Variants in GALNT13 observed in about 807,000 individuals in gnomAD.
GALNT13 encodes UDP-GalNAc:polypeptide N-acetylgalactosaminyltransferase 13.
In GALNT13, 28 loss-of-function variants were observed where a neutral mutation model predicts 64.2. The observed-to-expected ratio is 0.44, with a 90% CI of 0.32 to 0.60. The LOEUF is 0.60. Ranked by LOEUF, GALNT13 falls within the 20% of genes least tolerant of loss-of-function variation. The pLI is 0.05. For missense variants in GALNT13, 577 were observed against 669.8 expected (o/e 0.86, Z 1.53); for synonymous variants, 214 against 224.6 (o/e 0.95, Z 0.42).
At chr2:153,566,348 G>GTTTTGTTT in the GALNT13 span, among the ~76,000 whole-genome samples, 420 of 74,780 alleles carry the variant, frequency 5.6e-3, 6 homozygotes, top group East Asian at 0.011. Flanking sequence ...TTCTAATCAC[G>GTTTTGTTT]TTTTTTTTTT....
chr2:154,259,157 A>AT lies in GALNT13; in HGVS notation c.975+25dup. 1 of 1,308,098 alleles carries AT rather than the reference A, an allele frequency of 7.6e-7. No homozygotes were observed. The highest frequency in any genetic ancestry group is 1.1e-6 in the Non-Finnish European group (1 of 904,694). The allele number at this position is 1,308,098 out of a possible 1,614,324, so 81.0% of individuals were successfully genotyped here. A position where few individuals can be genotyped will look rare whatever the true frequency, so the allele number is the denominator to read the frequency against. ...TTTTAGGGTAATTGCATTTTATTTTATTTTTTGATGCTGAACATACAATGC... is the reference window on the plus strand; with the variant it reads ...TTTTAGGGTAATTGCATTTTATTTTATTTTTTTGATGCTGAACATACAATGC... On this transcript the variant is annotated intron_variant, in intron 8 of 12. Transcript: ENST00000392825.
the GALNT13 span, among the ~76,000 whole-genome samples, chr2:153,349,711 A>C: frequency 2.6e-5 from 4 of 152,188 alleles, no homozygotes; most frequent in African/African-American, 9.7e-5. Flanking sequence ...TTTACCTGCC[A>C]CAATGCTCCA....
At chr2:153,738,459 G>A in the GALNT13 span, among the ~76,000 whole-genome samples, 2,401 of 151,800 alleles carry the variant, frequency 0.016, 59 homozygotes, top group African/African-American at 0.055. Context: ...CCTCCCTTAC[G>A]AACTATTTAA....
intron 4 of GALNT13, among the ~76,000 whole-genome samples, chr2:154,229,566 C>T (rs542691833): frequency 8.6e-5 from 13 of 151,836 alleles, no homozygotes; most frequent in South Asian, 2.1e-4. Context: ...GAAGGAAAGG[C>T]GAATAAATAT....
Position 154,055,433 on chromosome 2 carries a change from G to A in GALNT13, c.143-84904G>A, listed in dbSNP as rs3108890. Among the ~76,000 whole-genome samples the A allele has an allele frequency of 4.6e-3, 706 of 152,076 alleles. 7 individuals carry two copies. Among genetic ancestry groups the A allele is most frequent in the African/African-American group, 0.016 (674 of 41,494 alleles). On this transcript the variant is annotated intron_variant, in intron 3 of 12. Coordinates refer to ENST00000392825, the MANE Select transcript of GALNT13 (RefSeq NM_052917.4). ...TCACAATGTTCATAGAAATTTAAAC[G>A]TATTCTTTCCCCTACAACATTTACA... is the stretch of plus-strand genomic sequence containing the variant.
At chr2:154,261,880 A>T (rs1448275077) in intron 8 of GALNT13, among the ~76,000 whole-genome samples, 1 of 152,142 alleles carries the variant, frequency 6.6e-6, no homozygotes, top group Non-Finnish European at 1.5e-5. Context: ...TGTGGTCTAC[A>T]TAGGTTCTAG....
rs537693417 is a variant in GALNT13, at chr2:154,403,386, T to C, written c.1297-5598T>C. Among the ~76,000 whole-genome samples the C allele has an allele frequency of 2.6e-5, 4 of 151,808 alleles. No individual in the cohort carries two copies. The East Asian group carries it at 7.8e-4, about 30-fold the overall frequency. ...CATGAAAATCACTTGAACCTGGGAG[T>C]TGGAGGTTGCAGTGATCTGAGATCA... On this transcript the variant is annotated intron_variant, in intron 10 of 12. Coordinates refer to ENST00000392825, the MANE Select transcript of GALNT13 (RefSeq NM_052917.4).
intron 4 of GALNT13, among the ~76,000 whole-genome samples, chr2:154,213,266 T>TA (rs1687875269): frequency 6.6e-6 from 1 of 151,934 alleles, no homozygotes; most frequent in Non-Finnish European, 1.5e-5. Context: ...CTTTTGTAGA[T>TA]ATGGGGTTTT....
the GALNT13 span, among the ~76,000 whole-genome samples, chr2:153,798,324 A>G: frequency 6.6e-6 from 1 of 152,164 alleles, no homozygotes; most frequent in East Asian, 1.9e-4. Context: ...AATTTTTACT[A>G]TTGTATGATA....
At chr2:153,731,569 A>T in the GALNT13 span, among the ~76,000 whole-genome samples, 1 of 151,986 alleles carries the variant, frequency 6.6e-6, no homozygotes, top group Non-Finnish European at 1.5e-5. Context: ...CTCATCCAAC[A>T]GTGAAGCAGG....
chr2:153,687,925 A>G, the GALNT13 span, among the ~76,000 whole-genome samples: 1 of 151,996 alleles, frequency 6.6e-6, no homozygotes, highest in Admixed American at 6.6e-5. Flanking sequence ...AATTTATGAA[A>G]ATTAATAATA....
At chr2:154,396,646 T>C (rs898025590) in intron 10 of GALNT13, among the ~76,000 whole-genome samples, 2 of 152,140 alleles carry the variant, frequency 1.3e-5, no homozygotes, top group African/African-American at 4.8e-5. Context: ...TAATAGAAGA[T>C]AGCTGGATTG....
At chr2:153,345,097 C>T in the GALNT13 span, among the ~76,000 whole-genome samples, 29 of 152,204 alleles carry the variant, frequency 1.9e-4, no homozygotes, top group Middle Eastern at 6.8e-3. Flanking sequence ...CTGAATATTA[C>T]GTTTATTCTT....
intron 8 of GALNT13, among the ~76,000 whole-genome samples, chr2:154,261,915 T>A (rs1355591087): frequency 2.6e-5 from 4 of 152,088 alleles, no homozygotes; most frequent in Non-Finnish European, 4.4e-5. Flanking sequence ...ATAGAAATAT[T>A]TAGGGCTTGC....
intron 9 of GALNT13, among the ~76,000 whole-genome samples, chr2:154,352,961 C>A (rs759858950): frequency 1.4e-4 from 22 of 152,160 alleles, no homozygotes; most frequent in Non-Finnish European, 2.9e-4. Flanking sequence ...CAGCTGGAGT[C>A]TAGCTTTGAC....
intron 11 of GALNT13, among the ~76,000 whole-genome samples, chr2:154,424,453 C>G (rs1411556905): frequency 4.6e-5 from 7 of 152,264 alleles, no homozygotes; most frequent in South Asian, 4.1e-4. Context: ...TCGTAACACA[C>G]AACAGTTGCT....
the GALNT13 span, among the ~76,000 whole-genome samples, chr2:153,199,143 C>G: frequency 6.6e-6 from 1 of 152,306 alleles, no homozygotes; most frequent in South Asian, 2.1e-4. Context: ...TGGGTCGGCC[C>G]TGGTTCTTGA....
At chr2:154,075,725 ATATT>A in intron 3 of GALNT13, among the ~76,000 whole-genome samples, 1 of 151,796 alleles carries the variant, frequency 6.6e-6, no homozygotes, top group Middle Eastern at 3.4e-3. Flanking sequence ...ATCTAGTCTA[ATATT>A]TATTGTCAGT....
At chr2:154,438,467 A>G in intron 11 of GALNT13, 125 bp from the exon 12 acceptor site, 1 of 610,630 alleles carries the variant, frequency 1.6e-6, no homozygotes. Flanking sequence ...CTTTCTCAAG[A>G]TAACATACCA....
Sources: gnomAD v4.1 joint callset for allele counts (sites outside exome capture counted in the v4.1 genomes callset) on GRCh38, gnomAD v4.1.1 for gene constraint, MANE v1.5 for transcripts, NCBI Gene and HGNC (gene_info 2026-07-23, HGNC 2026-07-21) for gene names.